The following ZCCHC7 variants were observed in gnomAD, a reference collection of about 807,000 sequenced individuals.
The protein encoded by ZCCHC7 is zinc finger CCHC domain-containing protein 7.
Under a neutral mutation model 52.0 loss-of-function variants are expected in ZCCHC7, and 35 were observed. The observed-to-expected ratio is 0.67, with a 90% CI of 0.51 to 0.89. The LOEUF is 0.89. Ranked by LOEUF, ZCCHC7 falls within the 40% of genes least tolerant of loss-of-function variation. ZCCHC7 has a pLI of 0.00. For missense variants in ZCCHC7, 574 were observed against 649.1 expected (o/e 0.88, Z 1.26); for synonymous variants, 217 against 221.5 (o/e 0.98, Z 0.18).
intron 2 of ZCCHC7, among the ~76,000 whole-genome samples, chr9:37,130,620 G>A (rs925110054): frequency 2.0e-5 from 3 of 151,094 alleles, no homozygotes; most frequent in Non-Finnish European, 4.4e-5. Flanking sequence ...AGCCTCCCAA[G>A]TAGCTGGGAC....
intron 2 of ZCCHC7, among the ~76,000 whole-genome samples, chr9:37,220,845 G>C (rs1298153877): frequency 6.6e-6 from 1 of 152,156 alleles, no homozygotes; most frequent in Non-Finnish European, 1.5e-5. Context: ...AAAATTGATT[G>C]AAAGATACAG....
At chr9:37,316,912 C>T (rs1323654341) in intron 5 of ZCCHC7, among the ~76,000 whole-genome samples, 1 of 146,242 alleles carries the variant, frequency 6.8e-6, no homozygotes, top group East Asian at 2.0e-4. Context: ...AAATTGCAGG[C>T]ATATATAAAG....
intron 2 of ZCCHC7, among the ~76,000 whole-genome samples, chr9:37,248,615 C>G (rs1299429960): frequency 6.6e-6 from 1 of 152,130 alleles, no homozygotes; most frequent in African/African-American, 2.4e-5. Flanking sequence ...AGTGAAAAGG[C>G]CTGTTTTGGA....
rs138369974 is a variant in ZCCHC7 at position 37,356,840 on chromosome 9, A to C, written c.1204A>C (p.Lys402Gln). The C allele has an allele frequency of 6.3e-7, 1 of 1,579,228 alleles. No homozygotes were observed. The highest frequency in any genetic ancestry group is 1.2e-5 in the South Asian group (1 of 84,068). ...KRLKQKIKVL[K>Q]KNGVIPEPSK... Reference sequence around the variant, plus strand: ...AATACTTTTATATTTTTCAGTACTCAAGAAAAATGGGGTTATCCCAGAGCC... The same window carrying C: ...AATACTTTTATATTTTTCAGTACTCCAGAAAAATGGGGTTATCCCAGAGCC... The change falls in exon 9 of 9, where the codon AAG becomes CAG. Residue 402 changes from lysine to glutamine, a missense_variant. Around this residue, in one of 3 missense-constraint regions of ZCCHC7, gnomAD observed 168 missense variants for 171.6 expected, o/e 0.98. Coordinates refer to ENST00000336755, the MANE Select transcript of ZCCHC7 (RefSeq NM_032226.3).
At chr9:37,280,392 A>G (rs1422821528) in intron 2 of ZCCHC7, among the ~76,000 whole-genome samples, 1 of 152,212 alleles carries the variant, frequency 6.6e-6, no homozygotes, top group Non-Finnish European at 1.5e-5. Context: ...CCACCTTGAC[A>G]TAATTGGCAT....
chr9:37,126,266 T>G, intron 1 of ZCCHC7, 46 bp from the exon 2 acceptor site: 1 of 1,518,378 alleles, frequency 6.6e-7, no homozygotes. Context: ...ACTGGCATGA[T>G]CTGAACTTTT....
intron 5 of ZCCHC7, among the ~76,000 whole-genome samples, chr9:37,309,214 T>C (rs1269406837): frequency 6.6e-6 from 1 of 152,172 alleles, no homozygotes; most frequent in Non-Finnish European, 1.5e-5. Context: ...TGGGCTCTAC[T>C]GACTCCTTGT....
chr9:37,350,254 G>A (rs536810026), intron 7 of ZCCHC7, among the ~76,000 whole-genome samples: 9 of 151,060 alleles, frequency 6.0e-5, no homozygotes, highest in East Asian at 2.0e-4. Flanking sequence ...TCAGCCTCCC[G>A]AGTGGCTGGG....
chr9:37,283,800 A>G (rs1828082302), intron 2 of ZCCHC7, among the ~76,000 whole-genome samples: 1 of 152,186 alleles, frequency 6.6e-6, no homozygotes, highest in African/African-American at 2.4e-5. Flanking sequence ...ATAAACTCTG[A>G]CTAACTAGAT....
chr9:37,157,470 T>C (rs1318525423), intron 2 of ZCCHC7, among the ~76,000 whole-genome samples: 3 of 151,880 alleles, frequency 2.0e-5, no homozygotes, highest in African/African-American at 7.3e-5. Flanking sequence ...GCAGCCTGGG[T>C]GACAGAGTGA....
chr9:37,154,846 G>C (rs1211137941), intron 2 of ZCCHC7, among the ~76,000 whole-genome samples: 1 of 151,958 alleles, frequency 6.6e-6, no homozygotes. Context: ...GAAAGTGAAT[G>C]ATGATAATAT....
chr9:37,156,566 G>A (rs893234890), intron 2 of ZCCHC7, among the ~76,000 whole-genome samples: 12 of 152,148 alleles, frequency 7.9e-5, no homozygotes, highest in Non-Finnish European at 7.4e-5. Context: ...GGCTATAAAA[G>A]AGGTCAAAAA....
intron 5 of ZCCHC7, chr9:37,326,874 C>CT (rs886412505): frequency 3.9e-5 from 6 of 152,162 alleles, no homozygotes; most frequent in Non-Finnish European, 7.4e-5. Context: ...TTTCCATTCG[C>CT]TTTTAAGAAT....
At chr9:37,219,447 T>C (rs1390910912) in intron 2 of ZCCHC7, among the ~76,000 whole-genome samples, 1 of 152,148 alleles carries the variant, frequency 6.6e-6, no homozygotes, top group East Asian at 1.9e-4. Context: ...GCTTAACTTC[T>C]GCTATATGCA....
intron 2 of ZCCHC7, among the ~76,000 whole-genome samples, chr9:37,224,123 T>G (rs1212618029): frequency 6.6e-6 from 1 of 152,128 alleles, no homozygotes; most frequent in East Asian, 1.9e-4. Context: ...AGTATATTAA[T>G]TTTTTAAAAG....
chr9:37,350,594 C>T (rs528447354), intron 7 of ZCCHC7, among the ~76,000 whole-genome samples: 1 of 152,346 alleles, frequency 6.6e-6, no homozygotes, highest in South Asian at 2.1e-4. Flanking sequence ...CCTATCCAGC[C>T]AACATATTCC....
intron 2 of ZCCHC7, among the ~76,000 whole-genome samples, chr9:37,135,048 C>T (rs1474116804): frequency 6.6e-6 from 1 of 152,102 alleles, no homozygotes; most frequent in Non-Finnish European, 1.5e-5. Flanking sequence ...TAAATAGTGG[C>T]ATACTATCTA....
At chr9:37,261,635 A>G (rs984028642) in intron 2 of ZCCHC7, among the ~76,000 whole-genome samples, 3 of 152,202 alleles carry the variant, frequency 2.0e-5, no homozygotes, top group Non-Finnish European at 4.4e-5. Flanking sequence ...AATGTGCTCT[A>G]TAAACACCTT....
intron 2 of ZCCHC7, among the ~76,000 whole-genome samples, chr9:37,256,138 TG>T (rs1261002017): frequency 2.0e-5 from 3 of 152,180 alleles, no homozygotes; most frequent in Non-Finnish European, 2.9e-5. Flanking sequence ...TTGTAGAACC[TG>T]CCATTCAGAT....
Sources: gnomAD v4.1 joint callset for allele counts (sites outside exome capture counted in the v4.1 genomes callset) on GRCh38, gnomAD v4.1.1 for gene constraint, gnomAD v4.1.1 regional missense constraint, MANE v1.5 for transcripts, NCBI Gene and HGNC (gene_info 2026-07-23, HGNC 2026-07-21) for gene names.